MYO15B: variants seen among roughly 807,000 people sequenced by gnomAD.
The protein encoded by MYO15B is myosin XVB, also known as myosin XVB pseudogene.
Under a neutral mutation model 119.3 loss-of-function variants are expected in MYO15B, and 207 were observed. That is an observed-to-expected ratio of 1.73 (90% CI 1.55 to 1.95). The LOEUF (loss-of-function observed/expected upper bound fraction) is 1.95. Ranked by LOEUF, MYO15B falls within the 30% of genes most tolerant of loss-of-function variation. MYO15B has a pLI of 0.00. For synonymous variants in MYO15B, 966 were observed against 498.9 expected (o/e 1.94, Z -12.48); for missense variants, 2,264 against 1,203.1 (o/e 1.88, Z -13.04).
intron 50 of MYO15B, 28 bp from the exon 51 acceptor site, chr17:75,621,317 C>T: frequency 1.5e-6 from 1 of 689,136 alleles, no homozygotes; most frequent in Non-Finnish European, 2.7e-6. Flanking sequence ...GCCAAACAAG[C>T]TGGGCTGTCT....
intron 22 of MYO15B, among the ~76,000 whole-genome samples, chr17:75,610,465 C>T (rs1208022898): frequency 6.6e-6 from 1 of 152,220 alleles, no homozygotes; most frequent in African/African-American, 2.4e-5. Context: ...TCCATCCCTG[C>T]CTACTCTCCC....
intron 54 of MYO15B, 39 bp from the exon 55 acceptor site, chr17:75,623,910 G>A (rs773007875): frequency 1.9e-4 from 136 of 702,724 alleles, no homozygotes; most frequent in Admixed American, 1.0e-4. Flanking sequence ...TGGGCACTGT[G>A]GCCTGGCCAG....
chr17:75,615,291 C>T (rs2148020743), exon 34 of MYO15B: 1 of 702,774 alleles, frequency 1.4e-6, no homozygotes, highest in Non-Finnish European at 2.6e-6. Flanking sequence ...ATGGTCCCTG[C>T]ACCCATGCCC....
chr17:75,622,013 G>A (rs754824086), exon 53 of MYO15B: 87 of 702,966 alleles, frequency 1.2e-4, no homozygotes, highest in African/African-American at 1.1e-3. Context: ...GCCCTGATGC[G>A]GTTTATGGGT....
chr17:75,605,451 A>T (rs1385111876), intron 19 of MYO15B, 53 bp from the exon 20 acceptor site: 4 of 656,304 alleles, frequency 6.1e-6, no homozygotes, highest in Admixed American at 2.5e-5. Flanking sequence ...AAAAAAAAAA[A>T]AGTGTAAAAG....
At chr17:75,611,083 C>A in intron 23 of MYO15B, 124 bp downstream of exon 23, 1 of 677,850 alleles carries the variant, frequency 1.5e-6, no homozygotes, top group Non-Finnish European at 2.7e-6. Context: ...ATTGCACCTC[C>A]TGAGAAGAGG....
chr17:75,614,170 G>A, intron 29 of MYO15B, 29 bp from the exon 30 acceptor site: 1 of 698,870 alleles, frequency 1.4e-6, no homozygotes, highest in Non-Finnish European at 2.6e-6. Flanking sequence ...ATGGCCGCCT[G>A]CCTCACTGAC....
At chr17:75,623,288 G>T (rs1353684243) in intron 53 of MYO15B, among the ~76,000 whole-genome samples, 3 of 151,990 alleles carry the variant, frequency 2.0e-5, no homozygotes, top group Non-Finnish European at 4.4e-5. Flanking sequence ...TGGCACCACT[G>T]CACTCCAGCC....
exon 55 of MYO15B, chr17:75,624,024 C>T (rs2058866153): frequency 1.4e-6 from 1 of 703,032 alleles, no homozygotes; most frequent in African/African-American, 1.7e-5. Flanking sequence ...GGCTGATGCC[C>T]TACCTGACCA....
chr17:75,605,556 T>A, exon 20 of MYO15B: 2 of 701,970 alleles, frequency 2.8e-6, no homozygotes, highest in South Asian at 3.0e-5. Context: ...CCGGGAGAAG[T>A]GTGGTGCCGT....
In MYO15B at chr17:75,610,976, G is replaced by A. The variant is rs1477948826; in HGVS notation, c.4446+17G>A. The A allele has an allele frequency of 4.3e-6, 3 of 702,900 alleles. No homozygotes were observed. Among genetic ancestry groups the A allele is most frequent in the Non-Finnish European group, 7.8e-6 (3 of 385,002 alleles). The allele number at this position is 702,900 out of a possible 1,614,324, so 43.5% of individuals were successfully genotyped here. ...CCAAGCATGGTAGGTGGCCTGGAAAGTGGGGGGTTTTACATGGGGCTATGA... is the reference window on the plus strand; with the variant it reads ...CCAAGCATGGTAGGTGGCCTGGAAAATGGGGGGTTTTACATGGGGCTATGA... On this transcript the variant is annotated intron_variant, in intron 23 of 63. Coordinates refer to ENST00000645453, the Ensembl canonical transcript of MYO15B.
Position 75,612,892 on chromosome 17 carries a change from TG to T in MYO15B, c.4731+1del. The T allele has an allele frequency of 1.4e-6, 1 of 701,470 alleles. No individual in the cohort carries two copies. Among genetic ancestry groups the T allele is most frequent in the Non-Finnish European group, 2.6e-6 (1 of 384,224 alleles). 43.5% of individuals were successfully genotyped at this position (701,470 alleles called of 1,614,324 possible). On this transcript the variant is annotated frameshift_variant and splice_region_variant, in exon 26 of 64. Transcript: ENST00000645453. LOFTEE classifies it high-confidence loss of function. ...CAGCGTGCCCTGGACATCAACAAAG[TG>T]GTGAGTGACACATTGGAGAAGGGAC...
At chr17:75,591,819 G>A (rs2056474403) in intron 5 of MYO15B, 107 bp downstream of exon 5, 1 of 684,816 alleles carries the variant, frequency 1.5e-6, no homozygotes, top group Non-Finnish European at 2.7e-6. Flanking sequence ...TCAGCCAGGA[G>A]AGGGGTGGTC....
Position 75,592,738 on chromosome 17 carries a change from G to A in MYO15B, c.2889G>A (p.Lys963=), listed in dbSNP as rs1018969539. The change falls in exon 9 of 64, where the codon AAG becomes AAA. Residue 963 remains lysine, a synonymous_variant. Transcript: ENST00000645453. ...CCCAGGACTTTGAGGGGCTGCTGAA[G>A]GCACTGCAGGGGCTCGGCTTGTGCC... 4.3e-6 allele frequency: 3 copies of A among 702,520 alleles called. No individual in the cohort carries two copies. The African/African-American group carries it at 5.2e-5, about 12-fold the overall frequency. 43.5% of individuals were successfully genotyped at this position (702,520 alleles called of 1,614,324 possible).
exon 21 of MYO15B, chr17:75,605,883 G>T (rs1249446645): frequency 4.3e-6 from 3 of 699,002 alleles, no homozygotes; most frequent in Non-Finnish European, 7.8e-6. Flanking sequence ...CAGGAGCAGG[G>T]CTGGCAGCGG....
chr17:75,625,357 C>A, intron 60 of MYO15B, 119 bp downstream of exon 60: 4 of 640,794 alleles, frequency 6.2e-6, no homozygotes, highest in Non-Finnish European at 1.1e-5. Context: ...CTGTGAACAT[C>A]TGTCCTCTCC....
intron 30 of MYO15B, 61 bp downstream of exon 30, chr17:75,614,421 C>G: frequency 1.5e-6 from 1 of 685,984 alleles, no homozygotes; most frequent in Non-Finnish European, 2.7e-6. Context: ...CCACAGCCAC[C>G]CTGCCACACT....
At chr17:75,592,147 C>T (rs1324772800) in intron 6 of MYO15B, 67 bp downstream of exon 6, 2 of 701,456 alleles carry the variant, frequency 2.9e-6, no homozygotes, top group Non-Finnish European at 5.2e-6. Flanking sequence ...GGCTGCTTCC[C>T]TGGGGTCCAG....
chr17:75,601,800 G>A (rs1421424224), intron 15 of MYO15B, among the ~76,000 whole-genome samples: 1 of 152,256 alleles, frequency 6.6e-6, no homozygotes, highest in Non-Finnish European at 1.5e-5. Flanking sequence ...AGTGGGCAGA[G>A]CACAAGCATG....
Sources: gnomAD v4.1 joint callset for allele counts (sites outside exome capture counted in the v4.1 genomes callset) on GRCh38, gnomAD v4.1.1 for gene constraint, MANE v1.5 for transcripts, NCBI Gene and HGNC (gene_info 2026-07-23, HGNC 2026-07-21) for gene names.